TLE4: variants seen among roughly 807,000 people sequenced by gnomAD.
TLE4 encodes TLE family member 4, transcriptional corepressor.
In TLE4, 8 loss-of-function variants were observed where a neutral mutation model predicts 92.8. That is an observed-to-expected ratio of 0.09 (90% CI 0.05 to 0.16). TLE4 has a LOEUF of 0.16. TLE4 is among the 10% of genes least tolerant of loss of function. The pLI is 1.00. For missense variants in TLE4, 675 were observed against 997.6 expected (o/e 0.68, Z 4.36); for synonymous variants, 371 against 374.1 (o/e 0.99, Z 0.10).
intron 17 of TLE4, 151 bp from the exon 18 acceptor site, chr9:79,722,300 C>T (rs1453996581): frequency 9.1e-6 from 8 of 879,344 alleles, no homozygotes; most frequent in Admixed American, 3.3e-5. Context: ...ACTTTGAAAT[C>T]GCCCATTTGA....
intron 4 of TLE4, among the ~76,000 whole-genome samples, chr9:79,599,321 T>C (rs939164238): frequency 6.6e-6 from 1 of 152,220 alleles, no homozygotes; most frequent in African/African-American, 2.4e-5. Context: ...TCTAGCTTAA[T>C]GGTTTTCAAT....
Position 79,705,922 on chromosome 9 carries a change from G to T in TLE4, c.763G>T (p.Val255Leu). 1 of 1,614,148 alleles carries T rather than the reference G, an allele frequency of 6.2e-7. No individual in the cohort carries two copies. The highest frequency in any genetic ancestry group is 1.1e-5 in the South Asian group (1 of 91,074). The change falls in exon 10 of 20, where the codon GTG becomes TTG. Residue 255 changes from valine to leucine, a missense_variant. Val to Leu is a conservative substitution (Grantham distance 32). Transcript: ENST00000376552. Reference sequence around the variant, plus strand: ...TGGTGAGAAAAGTGATGACAACTTGGTGGTTGACGTTTCCAATGAGGTATG... The same window carrying T: ...TGGTGAGAAAAGTGATGACAACTTGTTGGTTGACGTTTCCAATGAGGTATG... ...SDGEKSDDNLVVDVSNEDPSS... is the reference protein window; with the variant it reads ...SDGEKSDDNLLVDVSNEDPSS...
chr9:79,650,812 A>G (rs943978700), intron 6 of TLE4, among the ~76,000 whole-genome samples: 1 of 152,186 alleles, frequency 6.6e-6, no homozygotes, highest in South Asian at 2.1e-4. Flanking sequence ...ACTTTATTCT[A>G]TTGACTATAT....
chr9:79,606,187 G>GGTTTTTTTTTTTTTTTTTTTTTTT (rs2046832468), intron 4 of TLE4, among the ~76,000 whole-genome samples: 1 of 28,674 alleles, frequency 3.5e-5, no homozygotes, highest in African/African-American at 1.3e-4. Context: ...AGTAGTAGTT[G>GGTTTTTTTTTTTTTTTTTTTTTTT]TTTTTTTTTT....
At chr9:79,708,515 T>G in intron 12 of TLE4, 78 bp from the exon 13 acceptor site, 1 of 1,357,358 alleles carries the variant, frequency 7.4e-7, no homozygotes, top group South Asian at 1.3e-5. Context: ...ATAGATTCTA[T>G]TTTGTGACAT....
chr9:79,575,563 T>C (rs1462826188), intron 3 of TLE4, among the ~76,000 whole-genome samples: 1 of 152,180 alleles, frequency 6.6e-6, no homozygotes, highest in Non-Finnish European at 1.5e-5. Flanking sequence ...TACTACACGT[T>C]CAAAAAACCA....
intron 8 of TLE4, among the ~76,000 whole-genome samples, chr9:79,665,182 T>A (rs1426798233): frequency 6.6e-6 from 1 of 152,214 alleles, no homozygotes; most frequent in Non-Finnish European, 1.5e-5. Context: ...TGATTTGTTT[T>A]TTGTTAGACA....
intron 8 of TLE4, among the ~76,000 whole-genome samples, chr9:79,701,326 T>TA (rs2069807398): frequency 6.6e-6 from 1 of 152,134 alleles, no homozygotes; most frequent in South Asian, 2.1e-4. Context: ...ACTTCAAAAA[T>TA]ACAACGCTGC....
At chr9:79,671,358 A>G (rs751159634) in intron 8 of TLE4, 26 of 435,004 alleles carry the variant, frequency 6.0e-5, no homozygotes, top group South Asian at 3.5e-4. Context: ...GCTAATAACT[A>G]CCCTGACGAG....
rs768651795 is a variant in TLE4 at position 79,720,074 on chromosome 9, G to A, written c.1619G>A (p.Arg540Lys). Residue 540 changes from arginine to lysine, a missense_variant, in exon 16 of 20, where the codon AGA becomes AAA. By Grantham distance (26) the Arg-to-Lys change is conservative. Around this residue, in one of 5 missense-constraint regions of TLE4, gnomAD observed 170 missense variants for 359.6 expected, o/e 0.47. Transcript: ENST00000376552. ...LNRDNYIRSC[R>K]LLPDGRTLIV... ...AGGGATAACTACATCCGTTCCTGCA[G>A]ATTGCTCCCTGATGGTCGCACCCTA... 2.5e-6 allele frequency: 4 copies of A among 1,613,524 alleles called. 1 individual carries two copies. In the South Asian group the frequency reaches 4.4e-5, roughly 18 times the overall value.
chr9:79,673,044 CT>C (rs2062674639), intron 8 of TLE4, among the ~76,000 whole-genome samples: 2 of 152,136 alleles, frequency 1.3e-5, no homozygotes, highest in South Asian at 4.1e-4. Context: ...TGAAAACATG[CT>C]TTAAATGCCA....
intron 6 of TLE4, among the ~76,000 whole-genome samples, chr9:79,636,185 A>G (rs748260270): frequency 2.6e-5 from 4 of 152,118 alleles, no homozygotes; most frequent in Non-Finnish European, 5.9e-5. Flanking sequence ...TGTCGTCTAT[A>G]TATATGAGAC....
At chr9:79,573,589 A>T in intron 1 of TLE4, 100 bp from the exon 2 acceptor site, 1 of 989,266 alleles carries the variant, frequency 1.0e-6, no homozygotes, top group Non-Finnish European at 1.4e-6. Context: ...TGCGTGCGCG[A>T]TGACCCTCAC....
At chr9:79,573,572 C>A (rs1038447102) in intron 1 of TLE4, 117 bp from the exon 2 acceptor site, 2 of 919,218 alleles carry the variant, frequency 2.2e-6, no homozygotes, top group Non-Finnish European at 3.1e-6. Flanking sequence ...TTTAATCTCT[C>A]TTTGCTTGCG....
chr9:79,602,380 C>T (rs769346977), intron 4 of TLE4, among the ~76,000 whole-genome samples: 11 of 152,282 alleles, frequency 7.2e-5, no homozygotes, highest in Non-Finnish European at 1.2e-4. Flanking sequence ...TGACTGGCCT[C>T]AAATCTTCAA....
chr9:79,606,187 G>GTTTTTT (rs71364420), intron 4 of TLE4, among the ~76,000 whole-genome samples: 501 of 28,684 alleles, frequency 0.017, 197 homozygotes, highest in East Asian at 0.031. Context: ...AGTAGTAGTT[G>GTTTTTT]TTTTTTTTTT....
At chr9:79,724,443 G>A (rs1344070670) in intron 19 of TLE4, among the ~76,000 whole-genome samples, 2 of 152,102 alleles carry the variant, frequency 1.3e-5, no homozygotes, top group Admixed American at 1.3e-4. Flanking sequence ...TGCCAGCAGA[G>A]GTGCTCATGC....
At chr9:79,704,050 C>CA (rs1368398951) in intron 8 of TLE4, among the ~76,000 whole-genome samples, 9 of 152,086 alleles carry the variant, frequency 5.9e-5, no homozygotes, top group Non-Finnish European at 8.8e-5. Context: ...CAAAACAAAA[C>CA]AAACAAACAA....
intron 1 of TLE4, chr9:79,573,481 G>T: frequency 1.0e-6 from 1 of 967,218 alleles, no homozygotes; most frequent in Non-Finnish European, 1.4e-6. Context: ...CTGCGGGCGG[G>T]AGTATGCGGG....
Sources: gnomAD v4.1 joint callset for allele counts (sites outside exome capture counted in the v4.1 genomes callset) on GRCh38, gnomAD v4.1.1 for gene constraint, gnomAD v4.1.1 regional missense constraint, MANE v1.5 for transcripts, NCBI Gene and HGNC (gene_info 2026-07-23, HGNC 2026-07-21) for gene names.